RAB10: variants seen among roughly 807,000 people sequenced by gnomAD.
RAB10 encodes the protein ras-related protein Rab-10.
A neutral mutation model predicts 25.7 loss-of-function variants in RAB10; 5 were observed. The observed-to-expected ratio is 0.19, with a 90% CI of 0.10 to 0.41. RAB10 has a LOEUF of 0.41. RAB10 is among the 10% of genes least tolerant of loss of function. RAB10 has a pLI of 1.00. For synonymous variants in RAB10, 89 were observed against 86.4 expected, an observed-to-expected ratio of 1.03 and a Z score of -0.16; for missense variants, 103 against 245.8, an observed-to-expected ratio of 0.42 and a Z score of 3.89.
intron 1 of RAB10, among the ~76,000 whole-genome samples, chr2:26,063,101 G>A (rs953698183): frequency 3.7e-5 from 5 of 135,446 alleles, no homozygotes; most frequent in African/African-American, 1.4e-4. Flanking sequence ...GGCGACAAGA[G>A]TGAAACTCCA....
chr2:26,047,982 T>G (rs1250218605), intron 1 of RAB10, among the ~76,000 whole-genome samples: 1 of 151,946 alleles, frequency 6.6e-6, no homozygotes, highest in African/African-American at 2.4e-5. Flanking sequence ...GGCCTCGGCC[T>G]TGGCCTCCCA....
At chr2:26,083,288 A>G (rs1228348345) in intron 1 of RAB10, among the ~76,000 whole-genome samples, 1 of 152,228 alleles carries the variant, frequency 6.6e-6, no homozygotes, top group African/African-American at 2.4e-5. Context: ...TCCACAAAAA[A>G]AGAGCAACTA....
At chr2:26,058,277 C>G (rs981140663) in intron 1 of RAB10, among the ~76,000 whole-genome samples, 1 of 152,146 alleles carries the variant, frequency 6.6e-6, no homozygotes, top group Non-Finnish European at 1.5e-5. Context: ...ACAACCCCTT[C>G]TTGACAAGGG....
At chr2:26,114,735 T>C (rs956531251) in intron 3 of RAB10, among the ~76,000 whole-genome samples, 1 of 72,172 alleles carries the variant, frequency 1.4e-5, no homozygotes, top group Non-Finnish European at 2.6e-5. Context: ...TACAAAAATA[T>C]ACAAAAAAAA....
intron 5 of RAB10, among the ~76,000 whole-genome samples, chr2:26,130,943 C>G (rs1481621337): frequency 6.6e-6 from 1 of 151,784 alleles, no homozygotes; most frequent in Non-Finnish European, 1.5e-5. Flanking sequence ...GTCTCTGTGT[C>G]CTTTCTCTTT....
chr2:26,127,020 G>T (rs977473152), intron 3 of RAB10, 124 bp from the exon 4 acceptor site: 1 of 682,168 alleles, frequency 1.5e-6, no homozygotes, highest in Admixed American at 3.6e-5. Flanking sequence ...GTTTTAGGGT[G>T]ACTGCTTTAA....
chr2:26,088,669 A>G (rs1391065446), intron 1 of RAB10, among the ~76,000 whole-genome samples: 2 of 152,010 alleles, frequency 1.3e-5, no homozygotes, highest in African/African-American at 4.8e-5. Context: ...GCTGGAGTGC[A>G]GTGGTGCGAT....
At chr2:26,116,103 G>A (rs1574559248) in intron 3 of RAB10, among the ~76,000 whole-genome samples, 1 of 151,998 alleles carries the variant, frequency 6.6e-6, no homozygotes, top group Admixed American at 6.6e-5. Flanking sequence ...TCCTGACTTC[G>A]TGATCTACCT....
chr2:26,069,491 C>T (rs1373483060), intron 1 of RAB10, among the ~76,000 whole-genome samples: 1 of 151,708 alleles, frequency 6.6e-6, no homozygotes, highest in African/African-American at 2.4e-5. Flanking sequence ...TGTGGTGAAA[C>T]CCTGTCTCTA....
At chr2:26,053,993 C>A (rs1372086583) in intron 1 of RAB10, among the ~76,000 whole-genome samples, 1 of 150,130 alleles carries the variant, frequency 6.7e-6, no homozygotes, top group Non-Finnish European at 1.5e-5. Context: ...TGAGCCACCA[C>A]ACCCGGCTTC....
intron 1 of RAB10, among the ~76,000 whole-genome samples, chr2:26,084,517 C>T (rs961094420): frequency 6.6e-6 from 1 of 152,022 alleles, no homozygotes; most frequent in Non-Finnish European, 1.5e-5. Flanking sequence ...CATGGTACAC[C>T]ATGTTTTGGT....
At chr2:26,054,214 A>T (rs968378329) in intron 1 of RAB10, among the ~76,000 whole-genome samples, 4 of 138,834 alleles carry the variant, frequency 2.9e-5, no homozygotes, top group Admixed American at 1.4e-4. Flanking sequence ...CGCCCACCTA[A>T]TTTTTTTTTT....
chr2:26,042,936 A>T (rs1426505342), intron 1 of RAB10, among the ~76,000 whole-genome samples: 2 of 152,128 alleles, frequency 1.3e-5, no homozygotes, highest in Middle Eastern at 3.2e-3. Context: ...TAGGATAGTT[A>T]TAACAACAAC....
At chr2:26,061,928 T>G (rs569275698) in intron 1 of RAB10, among the ~76,000 whole-genome samples, 32 of 152,240 alleles carry the variant, frequency 2.1e-4, no homozygotes, top group African/African-American at 7.2e-4. Flanking sequence ...CTCAGTTTGT[T>G]GCCCAGGCTA....
At chr2:26,068,577 G>A (rs897708991) in intron 1 of RAB10, among the ~76,000 whole-genome samples, 2 of 151,992 alleles carry the variant, frequency 1.3e-5, no homozygotes, top group African/African-American at 2.4e-5. Context: ...TCTTTTTAGT[G>A]CCAAATACAT....
At chr2:26,128,065 T>C in intron 5 of RAB10, 114 bp downstream of exon 5, 1 of 918,270 alleles carries the variant, frequency 1.1e-6, no homozygotes, top group Non-Finnish European at 1.7e-6. Flanking sequence ...GTATTGTTTC[T>C]GTAGGGCAGC....
At chr2:26,077,245 A>G (rs189243612) in intron 1 of RAB10, among the ~76,000 whole-genome samples, 14 of 152,342 alleles carry the variant, frequency 9.2e-5, no homozygotes, top group African/African-American at 3.1e-4. Flanking sequence ...TGTGTATTAC[A>G]AATATAGATA....
chr2:26,096,480 G>C lies in RAB10; in HGVS notation c.128-2182G>C, dbSNP rs542058099. Among the ~76,000 whole-genome samples, 31 of 152,110 alleles carry C rather than the reference G, an allele frequency of 2.0e-4. 1 individual carries two copies. In the South Asian group the frequency reaches 4.1e-3, roughly 20 times the overall value. On this transcript the variant is annotated intron_variant, in intron 1 of 5. Transcript: ENST00000264710. ...TGGATGGATCTTCTAGTAATGTTTA[G>C]TTTGCGGCTTATGCCTTTTTCTGGA...
intron 1 of RAB10, among the ~76,000 whole-genome samples, chr2:26,085,971 C>T (rs1666972001): frequency 7.9e-6 from 1 of 126,434 alleles, no homozygotes; most frequent in African/African-American, 3.1e-5. Context: ...TGCACTCCAG[C>T]CTGGGCAACA....
Sources: gnomAD v4.1 joint callset for allele counts (sites outside exome capture counted in the v4.1 genomes callset) on GRCh38, gnomAD v4.1.1 for gene constraint, MANE v1.5 for transcripts, NCBI Gene and HGNC (gene_info 2026-07-23, HGNC 2026-07-21) for gene names.